Variants in ZNF221 observed in about 807,000 individuals in gnomAD.
The protein encoded by ZNF221 is zinc finger protein 221.
A neutral mutation model predicts 12.6 loss-of-function variants in ZNF221; 10 were observed. That is an observed-to-expected ratio of 0.79 (90% CI 0.49 to 1.34). The LOEUF (loss-of-function observed/expected upper bound fraction) is 1.34. ZNF221 is among the 40% of genes most tolerant of loss of function. The pLI is 0.00. For missense variants in ZNF221, 661 were observed against 721.4 expected (o/e 0.92, Z 0.96); for synonymous variants, 232 against 244.0 (o/e 0.95, Z 0.46).
intron 2 of ZNF221, 124 bp downstream of exon 2, chr19:43,962,931 AT>A: frequency 1.2e-6 from 1 of 841,938 alleles, no homozygotes; most frequent in Middle Eastern, 2.3e-4. Context: ...TGTTTGCCAG[AT>A]GCTTCCTTTG....
At chr19:43,979,810 T>C in the ZNF221 span, among the ~76,000 whole-genome samples, 1 of 152,240 alleles carries the variant, frequency 6.6e-6, no homozygotes, top group Non-Finnish European at 1.5e-5. Context: ...ATCTTAAGAA[T>C]GAGTTTTCTA....
At chr19:43,970,080 G>A (rs1188809949), downstream of ZNF221, among the ~76,000 whole-genome samples, 3 of 152,182 alleles carry the variant, frequency 2.0e-5, no homozygotes, top group Non-Finnish European at 4.4e-5. Flanking sequence ...CATCTTTGCT[G>A]TTTTGCAGCT....
At chr19:43,977,376 G>A in the ZNF221 span, 1 of 152,166 alleles carries the variant, frequency 6.6e-6, no homozygotes, top group African/African-American at 2.4e-5. Flanking sequence ...ATTGTCATAT[G>A]ACAGTTCAAA....
chr19:43,977,641 C>G, the ZNF221 span, among the ~76,000 whole-genome samples: 4 of 152,172 alleles, frequency 2.6e-5, no homozygotes, highest in South Asian at 6.2e-4. Context: ...CAGCAGCAGT[C>G]TCTTAGTGTG....
chr19:43,978,936 T>G, the ZNF221 span, among the ~76,000 whole-genome samples: 30,807 of 118,948 alleles, frequency 0.26, 3,290 homozygotes, highest in African/African-American at 0.29. Flanking sequence ...TGTGTGTGTT[T>G]TTTTTTTTTT....
At position 43,967,354 on chromosome 19, in the gene ZNF221, T is replaced by G. The variant is rs1974995456; in HGVS notation, c.1852T>G (p.Ter618GluextTer2). 6.2e-7 allele frequency: 1 copy of G among 1,607,248 alleles called. No individual in the cohort carries two copies. Among genetic ancestry groups the G allele is most frequent in the Admixed American group, 1.7e-5 (1 of 59,256 alleles). ...AAGTCTATGTGGGAGAAAAGCCATA[T>G]AAATGTGAGAAGTGTGGGAAGGGCT... ...SVSLCGRKAI* is the reference protein window; with the variant it reads ...SVSLCGRKAIE Residue 618 changes from the stop codon to glutamate (E), a stop_lost, in exon 5 of 5, where the codon TAA becomes GAA. Coordinates refer to ENST00000587682, the MANE Select transcript of ZNF221 (RefSeq NM_001297588.2).
chr19:43,974,993 C>T, the ZNF221 span, among the ~76,000 whole-genome samples: 1 of 151,292 alleles, frequency 6.6e-6, no homozygotes, highest in Admixed American at 6.6e-5. Flanking sequence ...CACTGCACTT[C>T]AGCCTGGGCA....
the ZNF221 span, chr19:43,978,720 G>A: frequency 6.6e-6 from 1 of 152,046 alleles, no homozygotes; most frequent in African/African-American, 2.4e-5. Flanking sequence ...CACTTCTCAC[G>A]ATGGACTGGG....
In ZNF221 at chr19:43,966,884, G is replaced by C. The variant is rs762485979; in HGVS notation, c.1382G>C (p.Arg461Thr). The part of the protein sequence containing the change: ...NCEECGKDYK[R>T]RLDLEFHQRV... ...GAGGAGTGTGGTAAGGACTATAAAA[G>C]GAGGTTGGATCTTGAGTTTCACCAG... is the stretch of plus-strand genomic sequence containing the variant. The change falls in exon 5 of 5, where the codon AGG becomes ACG. Residue 461 changes from arginine (R) to threonine (T), a missense_variant. Physicochemically the swap from Arg to Thr is moderately conservative, Grantham distance 71. Transcript: ENST00000587682. 2 of 1,614,196 alleles carry C rather than the reference G, an allele frequency of 1.2e-6. No individual in the cohort carries two copies. Among genetic ancestry groups the C allele is most frequent in the Non-Finnish European group, 8.5e-7 (1 of 1,180,050 alleles).
intron 3 of ZNF221, 34 bp downstream of exon 3, chr19:43,965,110 G>T: frequency 6.2e-7 from 1 of 1,609,668 alleles, no homozygotes; most frequent in Non-Finnish European, 8.5e-7. Flanking sequence ...CAGAATGTTA[G>T]GCCCCAGGAA....
intron 1 of ZNF221, among the ~76,000 whole-genome samples, chr19:43,959,710 T>G (rs427401): frequency 0.35 from 53,480 of 152,130 alleles, 9,592 homozygotes; most frequent in Middle Eastern, 0.45. Flanking sequence ...CACCAGAAGC[T>G]GAGCACATGC....
the ZNF221 span, among the ~76,000 whole-genome samples, chr19:43,972,839 A>T: frequency 6.6e-6 from 1 of 152,006 alleles, no homozygotes; most frequent in African/African-American, 2.4e-5. Flanking sequence ...AAGAGCTGGT[A>T]CCATTTCTAC....
At chr19:43,977,030 A>G in the ZNF221 span, 1 of 152,258 alleles carries the variant, frequency 6.6e-6, no homozygotes, top group African/African-American at 2.4e-5. Context: ...ACACAAAGCC[A>G]GTAAAATGAT....
At chr19:43,955,714 A>G (rs936646006) in intron 1 of ZNF221, among the ~76,000 whole-genome samples, 3 of 152,176 alleles carry the variant, frequency 2.0e-5, no homozygotes, top group African/African-American at 7.2e-5. Context: ...ACAGCGTGTA[A>G]TTCAGTGCAT....
chr19:43,974,608 G>A, the ZNF221 span, among the ~76,000 whole-genome samples: 15 of 127,986 alleles, frequency 1.2e-4, no homozygotes, highest in Middle Eastern at 3.8e-3. Context: ...AAAAGAAGAC[G>A]TACATGCAGC....
At chr19:43,953,745 C>T (rs961476924) in intron 1 of ZNF221, among the ~76,000 whole-genome samples, 2 of 152,042 alleles carry the variant, frequency 1.3e-5, no homozygotes, top group Non-Finnish European at 2.9e-5. Context: ...AGGTTATCAC[C>T]GTACATACCC....
chr19:43,971,034 C>A (rs959171514), downstream of ZNF221, among the ~76,000 whole-genome samples: 1 of 152,122 alleles, frequency 6.6e-6, no homozygotes, highest in Non-Finnish European at 1.5e-5. Flanking sequence ...AGGTCCCCTA[C>A]AAAGGGAAGC....
At chr19:43,952,495 G>A (rs1974690614) in intron 1 of ZNF221, among the ~76,000 whole-genome samples, 1 of 152,210 alleles carries the variant, frequency 6.6e-6, no homozygotes, top group Non-Finnish European at 1.5e-5. Context: ...TTTATACAAA[G>A]AAATTCACGT....
chr19:43,978,062 A>G, the ZNF221 span, among the ~76,000 whole-genome samples: 2 of 152,320 alleles, frequency 1.3e-5, no homozygotes, highest in South Asian at 2.1e-4. Flanking sequence ...TTGAATTGTG[A>G]TACTACTTGT....
Sources: allele counts gnomAD v4.1 joint callset (sites outside exome capture counted in the v4.1 genomes callset), GRCh38; gene constraint gnomAD v4.1.1; transcripts MANE v1.5; gene names NCBI Gene and HGNC (gene_info 2026-07-23, HGNC 2026-07-21).